The following TMTC1 variants were observed in gnomAD, a reference collection of about 807,000 sequenced individuals.
TMTC1 encodes the protein transmembrane O-mannosyltransferase targeting cadherins 1.
TMTC1 carries 73 observed loss-of-function variants against 104.8 expected under a neutral mutation model. The ratio of observed to expected loss-of-function variants is 0.70; its 90% confidence interval spans 0.58 to 0.85. TMTC1 has a LOEUF of 0.85. Among genes scored for constraint, TMTC1 ranks in the 40% least tolerant of loss-of-function variants. The pLI is 0.00. For synonymous variants in TMTC1, 434 were observed against 428.7 expected (o/e 1.01, Z -0.15); for missense variants, 1,035 against 1,096.1 (o/e 0.94, Z 0.79).
Position 29,783,593 on chromosome 12 carries a change from G to A in TMTC1, c.159C>T (p.Asp53=), listed in dbSNP as rs1208209820. The A allele has an allele frequency of 3.4e-6, 5 of 1,480,152 alleles. No homozygotes were observed. The African/African-American group carries it at 5.8e-5, about 17-fold the overall frequency. 91.7% of individuals were successfully genotyped at this position (1,480,152 alleles called of 1,614,324 possible). ...RSLQGEFVHD[D]VWAIVNNPDV... Reference sequence around the variant, plus strand: ...CGGGGTTGTTCACGATCGCCCACACGTCGTCGTGCACGAACTCGCCCTGCA... The same window carrying A: ...CGGGGTTGTTCACGATCGCCCACACATCGTCGTGCACGAACTCGCCCTGCA... Residue 53 remains aspartate (D), a synonymous_variant, in exon 1 of 18, where the codon GAC becomes GAT. Transcript: ENST00000539277. The surrounding 1 kb of genome is among the most constrained non-coding windows in gnomAD (Gnocchi z 4.7).
chr12:29,736,329 AT>A (rs936465034), intron 5 of TMTC1, among the ~76,000 whole-genome samples: 1 of 151,250 alleles, frequency 6.6e-6, no homozygotes, highest in African/African-American at 2.4e-5. Flanking sequence ...TTATCACATT[AT>A]TTTTTCATAC....
At chr12:29,713,300 T>C (rs10843495) in intron 5 of TMTC1, among the ~76,000 whole-genome samples, 309 of 134,436 alleles carry the variant, frequency 2.3e-3, no homozygotes, top group Middle Eastern at 3.8e-3. Context: ...CATAAACACA[T>C]ACACACACAC....
chr12:29,617,443 A>G (rs763311434), intron 6 of TMTC1, among the ~76,000 whole-genome samples: 10 of 152,112 alleles, frequency 6.6e-5, no homozygotes, highest in Non-Finnish European at 8.8e-5. Context: ...GCAAACACTT[A>G]AAGAATTTAG....
chr12:29,702,346 T>A (rs896907817), intron 5 of TMTC1, among the ~76,000 whole-genome samples: 1 of 152,182 alleles, frequency 6.6e-6, no homozygotes, highest in South Asian at 2.1e-4. Flanking sequence ...CCAAAACTTG[T>A]CGGGCTCAGA....
intron 9 of TMTC1, among the ~76,000 whole-genome samples, chr12:29,564,905 C>G (rs34318689): frequency 0.13 from 19,680 of 151,946 alleles, 1,507 homozygotes; most frequent in African/African-American, 0.21. Context: ...TAAATAAGCT[C>G]TGAGAAACTG....
intron 14 of TMTC1, 47 bp from the exon 15 acceptor site, chr12:29,516,533 A>C: frequency 6.4e-7 from 1 of 1,561,084 alleles, no homozygotes; most frequent in African/African-American, 1.4e-5. Context: ...TCATTACCTT[A>C]TCAAATAAAG....
chr12:29,668,807 CTTCAG>C (rs1788765902), intron 5 of TMTC1, among the ~76,000 whole-genome samples: 1 of 152,206 alleles, frequency 6.6e-6, no homozygotes, highest in African/African-American at 2.4e-5. Flanking sequence ...TCAATATCTT[CTTCAG>C]TTCATACAGT....
intron 15 of TMTC1, among the ~76,000 whole-genome samples, 171 bp downstream of exon 15, chr12:29,516,176 GAC>G (rs1315449645): frequency 6.6e-6 from 1 of 152,098 alleles, no homozygotes; most frequent in Non-Finnish European, 1.5e-5. Flanking sequence ...ATTACAAGGG[GAC>G]ATCTTAGGTG....
At chr12:29,520,331 T>C (rs1258109893) in intron 12 of TMTC1, among the ~76,000 whole-genome samples, 1 of 152,158 alleles carries the variant, frequency 6.6e-6, no homozygotes, top group African/African-American at 2.4e-5. Context: ...TTTATAAATA[T>C]ATATAAATAA....
Position 29,520,689 on chromosome 12 carries a change from T to C in TMTC1, c.1817A>G (p.Gln606Arg), listed in dbSNP as rs1248465818. Residue 606 changes from glutamine to arginine, a missense_variant, in exon 12 of 18, where the codon CAA becomes CGA. By Grantham distance (43) the Gln-to-Arg change is conservative. Coordinates refer to ENST00000539277, the MANE Select transcript of TMTC1 (RefSeq NM_001193451.2). Reference protein sequence around the residue: ...ERFKEAEEIYQTGIKNCPDSS... With the variant: ...ERFKEAEEIYRTGIKNCPDSS... ...GTCTGGACAGTTCTTTATTCCAGTT[T>C]GGTATATTTCTTCAGCTTCTTTAAA... 1.2e-6 allele frequency: 2 copies of C among 1,613,460 alleles called. No individual in the cohort carries two copies. Among genetic ancestry groups the C allele is most frequent in the South Asian group, 1.1e-5 (1 of 90,942 alleles).
intron 11 of TMTC1, among the ~76,000 whole-genome samples, chr12:29,522,477 A>G (rs2136163533): frequency 6.6e-6 from 1 of 152,322 alleles, no homozygotes; most frequent in South Asian, 2.1e-4. Context: ...TTAAAGATGA[A>G]TTAAAGTCTC....
chr12:29,597,551 G>A (rs552478112), intron 7 of TMTC1, among the ~76,000 whole-genome samples: 11 of 151,566 alleles, frequency 7.3e-5, no homozygotes, highest in Non-Finnish European at 1.2e-4. Flanking sequence ...CCTCACCTTG[G>A]GGCACACATC....
chr12:29,506,167 A>T lies in TMTC1; in HGVS notation c.*679T>A, dbSNP rs1311468743. On this transcript the variant is annotated 3_prime_UTR_variant, in exon 18 of 18. Transcript: ENST00000539277. Reference sequence around the variant, plus strand: ...GTTTTAAACACTTCCATAAAGAATTAGGGGTGCCCAGCTCCTTGATTTCCC... The same window carrying T: ...GTTTTAAACACTTCCATAAAGAATTTGGGGTGCCCAGCTCCTTGATTTCCC... 1 of 152,226 alleles carries T rather than the reference A, an allele frequency of 6.6e-6. No homozygotes were observed. The highest frequency in any genetic ancestry group is 1.5e-5 in the Non-Finnish European group (1 of 68,030). The allele number at this position is 152,226 out of a possible 1,614,324, so 9.4% of individuals were successfully genotyped here.
In TMTC1 at chr12:29,691,574, T is replaced by C. The variant is rs181096568; in HGVS notation, c.939-58238A>G. 9.0e-5 allele frequency among the ~76,000 whole-genome samples: 13 copies of C among 144,460 alleles called. 1 individual carries two copies. Among genetic ancestry groups the C allele is most frequent in the African/African-American group, 2.8e-4 (11 of 39,436 alleles). 94.8% of individuals were successfully genotyped at this position (144,460 alleles called of 152,430 possible). A position where few individuals can be genotyped will look rare whatever the true frequency, so the allele number is the denominator to read the frequency against. ...AAACCCGTTGGGTGGTTACAGTGAC[T>C]GTCAAACTGACCATTACCGGAAGCC... is the stretch of plus-strand genomic sequence containing the variant. On this transcript the variant is annotated intron_variant, in intron 5 of 17. Coordinates refer to ENST00000539277, the MANE Select transcript of TMTC1 (RefSeq NM_001193451.2).
At chr12:29,666,477 C>T (rs1940292821) in intron 5 of TMTC1, among the ~76,000 whole-genome samples, 2 of 151,956 alleles carry the variant, frequency 1.3e-5, no homozygotes, top group Admixed American at 1.3e-4. Flanking sequence ...TCGTGATCCA[C>T]CCGCCTCTGC....
chr12:29,517,718 C>T, intron 13 of TMTC1, 147 bp from the exon 14 acceptor site: 3 of 938,394 alleles, frequency 3.2e-6, no homozygotes, highest in South Asian at 3.7e-5. Flanking sequence ...AGGTTTTTGG[C>T]TTTTTCTTTT....
intron 10 of TMTC1, among the ~76,000 whole-genome samples, chr12:29,554,807 T>C (rs1261027951): frequency 6.6e-6 from 1 of 152,146 alleles, no homozygotes; most frequent in Non-Finnish European, 1.5e-5. Context: ...ATAACACCAC[T>C]GAACTCTAGC....
chr12:29,571,394 G>A (rs1427006140), intron 9 of TMTC1, among the ~76,000 whole-genome samples: 1 of 151,234 alleles, frequency 6.6e-6, no homozygotes, highest in Non-Finnish European at 1.5e-5. Context: ...TACCCAACCA[G>A]CAACTATAAC....
chr12:29,574,597 G>C lies in TMTC1; in HGVS notation c.1419-2379C>G, dbSNP rs562653397. On this transcript the variant is annotated intron_variant, in intron 8 of 17. Coordinates refer to ENST00000539277, the MANE Select transcript of TMTC1 (RefSeq NM_001193451.2). Reference sequence around the variant, plus strand: ...CAAAGTTATGGCTGATTCGGTTTCTGATGAGGGTTCTCTTCCTGCCTCGCA... The same window carrying C: ...CAAAGTTATGGCTGATTCGGTTTCTCATGAGGGTTCTCTTCCTGCCTCGCA... Among the ~76,000 whole-genome samples, 30 of 152,308 alleles carry C rather than the reference G, an allele frequency of 2.0e-4. No individual in the cohort carries two copies. The South Asian group carries it at 6.2e-3, about 32-fold the overall frequency.
Sources: allele counts gnomAD v4.1 joint callset (sites outside exome capture counted in the v4.1 genomes callset), GRCh38; gene constraint gnomAD v4.1.1; non-coding constraint Gnocchi (gnomAD v3.1); transcripts MANE v1.5; gene names NCBI Gene and HGNC (gene_info 2026-07-23, HGNC 2026-07-21).